Variants in BMS1 observed in about 807,000 individuals in gnomAD.
The protein encoded by BMS1 is BMS1 ribosome biogenesis factor.
BMS1 carries 53 observed loss-of-function variants against 138.7 expected under a neutral mutation model. The ratio of observed to expected loss-of-function variants is 0.38; its 90% CI spans 0.31 to 0.48. The LOEUF is 0.48. Ranked by LOEUF, BMS1 falls within the 20% of genes least tolerant of loss-of-function variation. The pLI is 0.97. For synonymous variants in BMS1, 504 were observed against 539.9 expected (o/e 0.93, Z 0.92); for missense variants, 1,360 against 1,565.5 (o/e 0.87, Z 2.22).
intron 4 of BMS1, among the ~76,000 whole-genome samples, chr10:42,789,170 TC>T (rs1339322297): frequency 6.6e-6 from 1 of 152,218 alleles, no homozygotes; most frequent in Non-Finnish European, 1.5e-5. Flanking sequence ...GACTGTTTGC[TC>T]CCTGTTCTTC....
At chr10:42,804,930 C>G (rs1442958043) in intron 13 of BMS1, among the ~76,000 whole-genome samples, 1 of 152,048 alleles carries the variant, frequency 6.6e-6, no homozygotes, top group Non-Finnish European at 1.5e-5. Flanking sequence ...GTTGGTCAGG[C>G]TGGTCTTGAA....
At chr10:42,800,343 T>A (rs1182473040) in intron 12 of BMS1, among the ~76,000 whole-genome samples, 3 of 152,186 alleles carry the variant, frequency 2.0e-5, no homozygotes, top group Non-Finnish European at 2.9e-5. Context: ...CTTTTAATGC[T>A]GTTAGATGTT....
intron 13 of BMS1, among the ~76,000 whole-genome samples, chr10:42,807,536 T>C (rs1449011477): frequency 6.6e-6 from 1 of 152,184 alleles, no homozygotes; most frequent in Admixed American, 6.5e-5. Flanking sequence ...AGTGGTGTGA[T>C]ATTGGCTCAC....
At position 42,820,526 on chromosome 10, in the gene BMS1, C is replaced by G. The variant is rs767504057; in HGVS notation, c.2788C>G (p.Arg930Gly). ...CCCTCAGATGCGTCTGAAGAAACAT[C>G]GCTGGTATAAGAAAATCCTCAAGTC... is the stretch of plus-strand genomic sequence containing the variant. ...GYVQMRLKKH[R>G]WYKKILKSRD... is the part of the protein sequence containing the mutation. Residue 930 changes from arginine (R) to glycine (G), a missense_variant, in exon 17 of 23, where the codon CGC (arginine) becomes GGC (glycine). Physicochemically the swap from Arg to Gly is moderately radical, Grantham distance 125. This residue lies in a region of BMS1 where 425 missense variants were observed against 568.3 expected (regional missense o/e 0.75). Coordinates refer to ENST00000374518, the MANE Select transcript of BMS1 (RefSeq NM_014753.4). 1 of 1,610,032 alleles carries G rather than the reference C, an allele frequency of 6.2e-7. No individual in the cohort carries two copies. The highest frequency in any genetic ancestry group is 2.2e-5 in the East Asian group (1 of 44,876).
rs879940551 is a variant in BMS1, at chr10:42,811,520, C to CTTTTTTTTTTTTTT, written c.2330-5074_2330-5073insTTTTTTTTTTTTTT. 3.3e-5 allele frequency among the ~76,000 whole-genome samples: 4 copies of CTTTTTTTTTTTTTT among 121,568 alleles called. 1 individual carries two copies. The highest frequency in any genetic ancestry group is 1.6e-5 in the Non-Finnish European group (1 of 61,516). The allele number at this position is 121,568 out of a possible 152,430, so 79.8% of individuals were successfully genotyped here. On this transcript the variant is annotated intron_variant, in intron 13 of 22. Coordinates refer to ENST00000374518, the MANE Select transcript of BMS1 (RefSeq NM_014753.4). Reference sequence around the variant, plus strand: ...CACAAATGTTCACGTGTTGTATTTTCTTTTTCTTTTTTTTTTTTTTTTGAG... The same window carrying CTTTTTTTTTTTTTT: ...CACAAATGTTCACGTGTTGTATTTTCTTTTTTTTTTTTTTTTTTTCTTTTTTTTTTTTTTTTGAG...
intron 1 of BMS1, among the ~76,000 whole-genome samples, chr10:42,783,754 T>C (rs773823885): frequency 3.9e-5 from 6 of 152,240 alleles, no homozygotes; most frequent in Non-Finnish European, 8.8e-5. Context: ...CAGCTATTTC[T>C]ATTTTTCAAA....
intron 13 of BMS1, among the ~76,000 whole-genome samples, chr10:42,809,959 T>G (rs1403475870): frequency 6.7e-6 from 1 of 148,382 alleles, no homozygotes; most frequent in Non-Finnish European, 1.5e-5. Context: ...CTAATTTTTT[T>G]TTTTTTTTTT....
intron 13 of BMS1, among the ~76,000 whole-genome samples, chr10:42,811,106 G>A (rs988418619): frequency 6.6e-5 from 10 of 151,780 alleles, no homozygotes; most frequent in African/African-American, 1.7e-4. Flanking sequence ...GCAGTGGCAC[G>A]TTCTTGGCTC....
chr10:42,831,975 A>G lies in BMS1; in HGVS notation c.*879A>G, dbSNP rs754723410. On this transcript the variant is annotated 3_prime_UTR_variant, in exon 23 of 23. Transcript: ENST00000374518. ...ATACGATGTAATCATAGATTCACAT[A>G]TAGTTGTATATTTTGCCCAATTTCT... The G allele has an allele frequency of 1.3e-5, 2 of 152,312 alleles. No homozygotes were observed. Among genetic ancestry groups the G allele is most frequent in the Middle Eastern group, 6.8e-3 (2 of 294 alleles). 9.4% of individuals were successfully genotyped at this position (152,312 alleles called of 1,614,324 possible).
chr10:42,800,342 C>T (rs1460840318), intron 12 of BMS1, among the ~76,000 whole-genome samples: 43 of 152,060 alleles, frequency 2.8e-4, no homozygotes, highest in Non-Finnish European at 1.5e-5. Flanking sequence ...CCTTTTAATG[C>T]TGTTAGATGT....
At chr10:42,788,535 T>C (rs1410650696) in intron 4 of BMS1, among the ~76,000 whole-genome samples, 11 of 152,128 alleles carry the variant, frequency 7.2e-5, no homozygotes, top group Admixed American at 7.2e-4. Context: ...TTATTCTGAA[T>C]TATATAATAA....
At chr10:42,820,721 C>T (rs3177184) in intron 17 of BMS1, 33 bp downstream of exon 17, 7 of 1,598,572 alleles carry the variant, frequency 4.4e-6, no homozygotes, top group African/African-American at 1.3e-5. Flanking sequence ...TGCCTGTTGC[C>T]AAGATTAAAC....
At chr10:42,823,335 G>A in intron 20 of BMS1, 70 bp downstream of exon 20, 1 of 1,484,488 alleles carries the variant, frequency 6.7e-7, no homozygotes, top group Non-Finnish European at 8.9e-7. Flanking sequence ...AGTGTGACGA[G>A]AGGCTGGAGT....
chr10:42,788,779 T>C (rs963150416), intron 4 of BMS1, among the ~76,000 whole-genome samples: 13 of 152,210 alleles, frequency 8.5e-5, no homozygotes, highest in African/African-American at 3.1e-4. Flanking sequence ...GCATTTTCTT[T>C]TTCCTTAGTA....
chr10:42,789,763 G>A (rs1309441922), intron 4 of BMS1, among the ~76,000 whole-genome samples: 1 of 151,962 alleles, frequency 6.6e-6, no homozygotes, highest in East Asian at 1.9e-4. Context: ...TTGGTTTTCT[G>A]TACATATTTA....
At position 42,823,788 on chromosome 10, in the gene BMS1, C is replaced by T. The variant is rs1165219622; in HGVS notation, c.3456+4C>T. 6.4e-7 allele frequency: 1 copy of T among 1,570,870 alleles called. No homozygotes were observed. Among genetic ancestry groups the T allele is most frequent in the Non-Finnish European group, 8.6e-7 (1 of 1,168,216 alleles). On this transcript the variant is annotated splice_donor_region_variant and intron_variant, in intron 21 of 22. Coordinates refer to ENST00000374518, the MANE Select transcript of BMS1 (RefSeq NM_014753.4). ...GAACAAGGACTCTCTGTATAAGGTA[C>T]TGGTCGCGTGTGTGTTAGTGGAGAT...
rs116617311 is a variant in BMS1 at position 42,801,710 on chromosome 10, A to G, written c.2248-427A>G. ...TGTATGCGTTGTTTATATATTCTGGATATAAGTCCCTTATCAGGTACATAA... is the reference window on the plus strand; with the variant it reads ...TGTATGCGTTGTTTATATATTCTGGGTATAAGTCCCTTATCAGGTACATAA... On this transcript the variant is annotated intron_variant, in intron 12 of 22. Coordinates refer to ENST00000374518, the MANE Select transcript of BMS1 (RefSeq NM_014753.4). 4.6e-3 allele frequency among the ~76,000 whole-genome samples: 708 copies of G among 152,366 alleles called. 9 individuals carry two copies. The highest frequency in any genetic ancestry group is 0.016 in the African/African-American group (671 of 41,590).
chr10:42,801,531 T>G (rs898447715), intron 12 of BMS1, among the ~76,000 whole-genome samples: 3 of 152,238 alleles, frequency 2.0e-5, no homozygotes, highest in Non-Finnish European at 4.4e-5. Context: ...TTTGTGATTA[T>G]AGCCATCCTA....
rs1489111088 is a variant in BMS1, at chr10:42,834,351, T to G, written c.*3255T>G. The G allele has an allele frequency of 6.6e-6, 1 of 151,928 alleles. No homozygotes were observed. The highest frequency in any genetic ancestry group is 2.4e-5 in the African/African-American group (1 of 41,368). The allele number at this position is 151,928 out of a possible 1,614,324, so 9.4% of individuals were successfully genotyped here. A position where few individuals can be genotyped will look rare whatever the true frequency, so the allele number is the denominator to read the frequency against. On this transcript the variant is annotated 3_prime_UTR_variant, in exon 23 of 23. Transcript: ENST00000374518. ...TTGAGCAAAGAGGAAAGCCACCGGG[T>G]CTGATTCAGCTCTCTGGAGGCTCCA...
Sources: allele counts gnomAD v4.1 joint callset (sites outside exome capture counted in the v4.1 genomes callset), GRCh38; gene constraint gnomAD v4.1.1; regional missense constraint gnomAD v4.1.1; transcripts MANE v1.5; gene names NCBI Gene and HGNC (gene_info 2026-07-23, HGNC 2026-07-21).